HLA-G: variants seen among roughly 807,000 people sequenced by gnomAD.
HLA-G encodes the protein HLA class I histocompatibility antigen, alpha chain G.
HLA-G carries 34 observed loss-of-function variants against 39.3 expected under a neutral mutation model. The observed-to-expected ratio is 0.86, with a 90% CI of 0.66 to 1.15. The LOEUF is 1.15. Among genes scored for constraint, HLA-G ranks in the 50% most tolerant of loss-of-function variants. The pLI, the probability that HLA-G is intolerant of heterozygous loss-of-function variation, is 0.00. For missense variants in HLA-G, 419 were observed against 456.4 expected (o/e 0.92, Z 0.75); for synonymous variants, 183 against 185.8 (o/e 0.99, Z 0.12).
Position 29,827,880 on chromosome 6 carries a change from G to A in HLA-G, c.36G>A (p.Leu12=), listed in dbSNP as rs1630185. 775,833 of 1,609,910 alleles carry A rather than the reference G, an allele frequency of 0.48. 191,836 individuals carry two copies. The highest frequency in any genetic ancestry group is 0.67 in the South Asian group (61,079 of 90,958). The change falls in exon 1 of 7, where the codon CTG becomes CTA. Residue 12 remains leucine, a synonymous_variant. Transcript: ENST00000360323. ...VVMAPRTLFL[L]LSGALTLTET... is the part of the protein sequence containing the mutation. ...TGGCGCCCCGAACCCTCTTCCTGCT[G>A]CTCTCGGGGGCCCTGACCCTGACCG...
chr6:29,827,644 G>A (rs1233333), upstream of HLA-G: 313,376 of 642,566 alleles, frequency 0.49, 79,533 homozygotes, highest in South Asian at 0.67. Context: ...CGGTGTATGG[G>A]TTGGGGAGGC....
In HLA-G at chr6:29,829,266, C is replaced by T. The variant is rs145023077; in HGVS notation, c.620-152C>T. The T allele has an allele frequency of 5.3e-3, 4,554 of 856,770 alleles. 202 individuals are homozygous for T. In the East Asian group the frequency reaches 0.063, roughly 12 times the overall value. 53.1% of individuals were successfully genotyped at this position (856,770 alleles called of 1,614,324 possible). A position where few individuals can be genotyped will look rare whatever the true frequency, so the allele number is the denominator to read the frequency against. On this transcript the variant is annotated intron_variant, in intron 3 of 6. Transcript: ENST00000360323. ...ACTTTCCAAGGAATAGGAGATTATC[C>T]CAGGTGCCCGTGTCCAGGCTGGTGT...
chr6:29,828,909 A>G, intron 3 of HLA-G, 91 bp downstream of exon 3: 3 of 1,513,550 alleles, frequency 2.0e-6, no homozygotes, highest in South Asian at 1.1e-5. Context: ...GACCAACACT[A>G]GAATATCGCC....
At chr6:29,830,325 C>T (rs1410619913) in intron 5 of HLA-G, 53 bp from the exon 6 acceptor site, 5 of 1,603,190 alleles carry the variant, frequency 3.1e-6, no homozygotes, top group Admixed American at 1.7e-5. Flanking sequence ...TCCTCTAGGA[C>T]CTCATGGCCC....
intron 2 of HLA-G, 37 bp from the exon 3 acceptor site, chr6:29,828,506 G>C (rs762736954): frequency 6.3e-7 from 1 of 1,599,694 alleles, no homozygotes; most frequent in South Asian, 1.1e-5. Flanking sequence ...CGAGGGCGAG[G>C]CTCGGTGGGC....
rs1240360944 is a variant in HLA-G, at chr6:29,829,677, C to T, written c.879C>T (p.Pro293=). 6.2e-7 allele frequency: 1 copy of T among 1,612,958 alleles called. No homozygotes were observed. Among genetic ancestry groups the T allele is most frequent in the Non-Finnish European group, 8.5e-7 (1 of 1,179,718 alleles). Residue 293 remains proline, a synonymous_variant, in exon 4 of 7, where the codon CCC becomes CCT. Coordinates refer to ENST00000360323, the MANE Select transcript of HLA-G (RefSeq NM_001384290.1). ...CHVQHEGLPE[P]LMLRWKQSSL... ...TGCAGCATGAGGGGCTGCCGGAGCCCCTCATGCTGAGATGGAGTAAGGAGG... is the reference window on the plus strand; with the variant it reads ...TGCAGCATGAGGGGCTGCCGGAGCCTCTCATGCTGAGATGGAGTAAGGAGG...
At chr6:29,830,194 C>T (rs1170676215) in intron 5 of HLA-G, among the ~76,000 whole-genome samples, 184 bp from the exon 6 acceptor site, 1 of 152,128 alleles carries the variant, frequency 6.6e-6, no homozygotes, top group Non-Finnish European at 1.5e-5. Context: ...TGGCTAAGGA[C>T]AGACCTTAGG....
At chr6:29,830,252 T>C in intron 5 of HLA-G, 126 bp from the exon 6 acceptor site, 1 of 1,087,632 alleles carries the variant, frequency 9.2e-7, no homozygotes, top group Non-Finnish European at 1.4e-6. Flanking sequence ...TTTTTCCTGA[T>C]CCCGCCCTGG....
chr6:29,827,053 A>C, upstream of HLA-G: 1 of 521,224 alleles, frequency 1.9e-6, no homozygotes, highest in Non-Finnish European at 3.9e-6. Context: ...AGGTAAATTT[A>C]AAATAAAACA....
intron 5 of HLA-G, 101 bp from the exon 6 acceptor site, chr6:29,830,277 A>G (rs1375215275): frequency 2.2e-6 from 3 of 1,349,086 alleles, no homozygotes; most frequent in Non-Finnish European, 2.1e-6. Flanking sequence ...GCAGTCACAC[A>G]TTTCTGGAAA....
intron 5 of HLA-G, 109 bp downstream of exon 5, chr6:29,830,041 C>G: frequency 1.2e-6 from 1 of 807,744 alleles, no homozygotes; most frequent in Non-Finnish European, 2.1e-6. Flanking sequence ...CATCCACACT[C>G]ATGGGCCTAC....
intron 3 of HLA-G, 124 bp downstream of exon 3, chr6:29,828,942 G>GC: frequency 8.0e-7 from 1 of 1,257,728 alleles, no homozygotes; most frequent in Non-Finnish European, 1.1e-6. Context: ...CTGAGGGAGA[G>GC]GAATCCTCCT....
At chr6:29,830,481 C>A in intron 6 of HLA-G, 71 bp downstream of exon 6, 1 of 1,322,420 alleles carries the variant, frequency 7.6e-7, no homozygotes, top group Non-Finnish European at 1.1e-6. Flanking sequence ...GGGAGCTCAC[C>A]CACCCCACAA....
rs572025435 is a variant in HLA-G at position 29,828,063 on chromosome 6, G to T, written c.90G>T (p.Arg30Ser). 1 of 1,611,466 alleles carries T rather than the reference G, an allele frequency of 6.2e-7. No individual in the cohort carries two copies. Among genetic ancestry groups the T allele is most frequent in the East Asian group, 2.2e-5 (1 of 44,832 alleles). ...CGCCCCCAGGCTCCCACTCCATGAG[G>T]TATTTCAGCGCCGCCGTGTCCCGGC... ...TETWAGSHSM[R>S]YFSAAVSRPG... is the part of the protein sequence containing the mutation. The change falls in exon 2 of 7, where the codon AGG becomes AGT. Residue 30 changes from arginine (R) to serine (S), a missense_variant. Physicochemically the swap from Arg to Ser is moderately radical, Grantham distance 110 (BLOSUM62 -1). This residue lies in a region of HLA-G where 91 missense variants were observed against 133.4 expected (regional missense o/e 0.68). Transcript: ENST00000360323.
At chr6:29,830,470 G>C (rs1761179133) in intron 6 of HLA-G, 60 bp downstream of exon 6, 1 of 1,464,664 alleles carries the variant, frequency 6.8e-7, no homozygotes, top group Non-Finnish European at 9.6e-7. Flanking sequence ...GGAGCCCATG[G>C]GGGAGCTCAC....
At chr6:29,829,127 T>C (rs1761012800) in intron 3 of HLA-G, among the ~76,000 whole-genome samples, 1 of 152,130 alleles carries the variant, frequency 6.6e-6, no homozygotes, top group African/African-American at 2.4e-5. Flanking sequence ...CCTCAGGCCT[T>C]GTTCTCTGCC....
intron 2 of HLA-G, 53 bp from the exon 3 acceptor site, chr6:29,828,490 T>C: frequency 1.3e-6 from 2 of 1,588,216 alleles, no homozygotes; most frequent in Non-Finnish European, 1.7e-6. Context: ...CGCGGGTGGG[T>C]CCGGGCGAGG....
chr6:29,827,972 C>A, intron 1 of HLA-G, 55 bp downstream of exon 1: 1 of 1,588,198 alleles, frequency 6.3e-7, no homozygotes, highest in South Asian at 1.2e-5. Flanking sequence ...GAGGGGCCGG[C>A]CCGGCGGGGG....
intron 1 of HLA-G, 53 bp downstream of exon 1, chr6:29,827,970 G>C (rs6932888): frequency 0.3 from 475,551 of 1,586,400 alleles, 73,869 homozygotes; most frequent in East Asian, 0.32. Context: ...GGGAGGGGCC[G>C]GCCCGGCGGG....
Sources: gnomAD v4.1 joint callset for allele counts (sites outside exome capture counted in the v4.1 genomes callset) on GRCh38, gnomAD v4.1.1 for gene constraint, gnomAD v4.1.1 regional missense constraint, MANE v1.5 for transcripts, NCBI Gene and HGNC (gene_info 2026-07-23, HGNC 2026-07-21) for gene names.